Variants in ADAMTSL1 observed in about 807,000 individuals in gnomAD.
The protein encoded by ADAMTSL1 is ADAMTS like 1, also known as ADAMTS-like protein 1.
ADAMTSL1 carries 126 observed loss-of-function variants against 201.8 expected under a neutral mutation model. The ratio of observed to expected loss-of-function variants is 0.62; its 90% CI spans 0.54 to 0.72. The LOEUF is 0.72. Ranked by LOEUF, ADAMTSL1 falls within the 30% of genes least tolerant of loss-of-function variation. The probability of loss-of-function intolerance (pLI) is 0.00; values close to 1 mark genes in which losing one functional copy is unlikely to be tolerated. For missense variants in ADAMTSL1, 2,679 were observed against 2,277.8 expected (o/e 1.18, Z -3.59); for synonymous variants, 1,121 against 903.4 (o/e 1.24, Z -4.32).
chr9:18,241,725 A>G (rs1308763941), intron 2 of ADAMTSL1, among the ~76,000 whole-genome samples: 1 of 152,166 alleles, frequency 6.6e-6, no homozygotes, highest in Non-Finnish European at 1.5e-5. Flanking sequence ...AAGGATCATA[A>G]GGGATTATTA....
chr9:18,493,444 C>G (rs1822365124), intron 1 of ADAMTSL1, among the ~76,000 whole-genome samples: 1 of 152,188 alleles, frequency 6.6e-6, no homozygotes, highest in Non-Finnish European at 1.5e-5. Context: ...AGTTCTCTTT[C>G]TAATCCCAGC....
At chr9:18,835,414 G>C (rs762441401) in intron 23 of ADAMTSL1, among the ~76,000 whole-genome samples, 1 of 152,070 alleles carries the variant, frequency 6.6e-6, no homozygotes, top group Non-Finnish European at 1.5e-5. Flanking sequence ...CCAGTCAGCA[G>C]CTATATTTTC....
chr9:18,579,321 A>G (rs936740476), intron 4 of ADAMTSL1, among the ~76,000 whole-genome samples: 29 of 134,840 alleles, frequency 2.2e-4, no homozygotes, highest in African/African-American at 7.8e-4. Context: ...CAGGAAGGGG[A>G]ATATCACACG....
intron 19 of ADAMTSL1, among the ~76,000 whole-genome samples, chr9:18,786,413 G>A (rs573913157): frequency 1.4e-4 from 21 of 152,214 alleles, no homozygotes; most frequent in Non-Finnish European, 2.8e-4. Context: ...ACAAATCCCA[G>A]TTCTGCCACT....
intron 14 of ADAMTSL1, chr9:18,718,379 C>A: frequency 1.4e-6 from 1 of 724,132 alleles, no homozygotes; most frequent in South Asian, 1.3e-5. Flanking sequence ...CAAGCATACA[C>A]TGCTGTGCAT....
At chr9:18,716,674 GT>G (rs989054152) in intron 14 of ADAMTSL1, among the ~76,000 whole-genome samples, 1 of 147,842 alleles carries the variant, frequency 6.8e-6, no homozygotes, top group African/African-American at 2.5e-5. Context: ...GTGGAAGTCA[GT>G]GTGGCGATTC....
chr9:18,753,996 T>G (rs1315110375), intron 16 of ADAMTSL1, among the ~76,000 whole-genome samples: 1 of 152,244 alleles, frequency 6.6e-6, no homozygotes, highest in African/African-American at 2.4e-5. Context: ...TTCCTGGTCC[T>G]GTGAATTCCA....
intron 23 of ADAMTSL1, among the ~76,000 whole-genome samples, chr9:18,833,056 T>C (rs1189345629): frequency 1.3e-5 from 2 of 152,214 alleles, no homozygotes; most frequent in African/African-American, 4.8e-5. Flanking sequence ...CACCCTGGTA[T>C]TGATTTCACC....
At chr9:18,831,166 A>C (rs1824953420) in intron 23 of ADAMTSL1, among the ~76,000 whole-genome samples, 1 of 152,220 alleles carries the variant, frequency 6.6e-6, no homozygotes, top group Non-Finnish European at 1.5e-5. Flanking sequence ...TCTATTTTTG[A>C]CTTGAGTAAA....
At chr9:17,906,817 G>T (rs1012758652) in exon 1 of ADAMTSL1, 3 of 152,132 alleles carry the variant, frequency 2.0e-5, no homozygotes, top group African/African-American at 7.2e-5. Context: ...GACTCCCCTT[G>T]GTCCCCGCCA....
At chr9:18,833,789 C>A (rs772857153) in intron 23 of ADAMTSL1, among the ~76,000 whole-genome samples, 5 of 152,038 alleles carry the variant, frequency 3.3e-5, no homozygotes, top group African/African-American at 1.2e-4. Context: ...ATGGCAATGC[C>A]GAGGTTGTCT....
chr9:18,782,664 C>G (rs1563797268), intron 19 of ADAMTSL1, among the ~76,000 whole-genome samples: 1 of 152,116 alleles, frequency 6.6e-6, no homozygotes. Context: ...AAGTGTCAGG[C>G]AGAAAATTAA....
chr9:18,671,752 A>G (rs1393404791), intron 9 of ADAMTSL1, among the ~76,000 whole-genome samples: 4 of 152,170 alleles, frequency 2.6e-5, no homozygotes, highest in Non-Finnish European at 5.9e-5. Context: ...CATTTTCATT[A>G]TAAAAAGAAC....
At chr9:18,813,786 A>G (rs915731734) in intron 20 of ADAMTSL1, among the ~76,000 whole-genome samples, 5 of 152,188 alleles carry the variant, frequency 3.3e-5, no homozygotes, top group Admixed American at 6.5e-5. Flanking sequence ...TTCCTTTCCA[A>G]TTTGAATGCC....
chr9:17,941,037 A>T (rs1225511805), intron 1 of ADAMTSL1, among the ~76,000 whole-genome samples: 1 of 143,128 alleles, frequency 7.0e-6, no homozygotes, highest in Non-Finnish European at 1.6e-5. Flanking sequence ...TTGTTTTTTA[A>T]TAAGAGTCTT....
intron 23 of ADAMTSL1, among the ~76,000 whole-genome samples, chr9:18,847,237 GA>G (rs763086687): frequency 7.2e-5 from 11 of 152,258 alleles, no homozygotes; most frequent in Non-Finnish European, 1.5e-4. Flanking sequence ...TTTCTTTGAT[GA>G]AAGGGTAATT....
intron 1 of ADAMTSL1, among the ~76,000 whole-genome samples, chr9:17,959,608 G>T (rs985393074): frequency 4.3e-4 from 66 of 152,040 alleles, no homozygotes; most frequent in African/African-American, 1.6e-3. Flanking sequence ...ACAGGCGCCT[G>T]CCACCATGCC....
chr9:18,230,514 G>A (rs1830608776), intron 2 of ADAMTSL1, among the ~76,000 whole-genome samples: 1 of 152,092 alleles, frequency 6.6e-6, no homozygotes, highest in Non-Finnish European at 1.5e-5. Context: ...AGGGGAAAAT[G>A]AAGACAAATG....
At chr9:17,975,423 T>G (rs1578849) in intron 1 of ADAMTSL1, among the ~76,000 whole-genome samples, 127,898 of 151,926 alleles carry the variant, frequency 0.84, 54,054 homozygotes, top group East Asian at 0.94. Flanking sequence ...TTCATAAATG[T>G]CATCTTCTAG....
Sources: allele counts gnomAD v4.1 joint callset (sites outside exome capture counted in the v4.1 genomes callset), GRCh38; gene constraint gnomAD v4.1.1; transcripts MANE v1.5; gene names NCBI Gene and HGNC (gene_info 2026-07-23, HGNC 2026-07-21).